The following SLC16A10 variants were observed in gnomAD, a reference collection of about 807,000 sequenced individuals.
The protein encoded by SLC16A10 is monocarboxylate transporter 10.
Under a neutral mutation model 40.0 loss-of-function variants are expected in SLC16A10, and 27 were observed. That is an observed-to-expected ratio of 0.67 (90% CI 0.50 to 0.93). The LOEUF is 0.93. SLC16A10 is among the 40% of genes least tolerant of loss of function. The pLI is 0.00. For missense variants in SLC16A10, 529 were observed against 658.2 expected (o/e 0.80, Z 2.15); for synonymous variants, 213 against 249.8 (o/e 0.85, Z 1.39).
At position 111,126,507 on chromosome 6, in the gene SLC16A10, C is replaced by T. The variant is rs191809047; in HGVS notation, c.343+38412C>T. On this transcript the variant is annotated intron_variant, in intron 1 of 5. Transcript: ENST00000368851. ...GTCATATTCATGCTACTACTGAGCA[C>T]TGTGACCTAGGTGAAGTGTGAGATT... Among the ~76,000 whole-genome samples the T allele has an allele frequency of 2.6e-5, 4 of 152,236 alleles. No homozygotes were observed. In the East Asian group the frequency reaches 7.7e-4, roughly 29 times the overall value.
intron 4 of SLC16A10, among the ~76,000 whole-genome samples, chr6:111,215,708 T>C (rs1339831791): frequency 6.6e-6 from 1 of 152,200 alleles, no homozygotes; most frequent in Non-Finnish European, 1.5e-5. Context: ...ATGTTTCTAT[T>C]GTTAAGAATA....
At chr6:111,202,322 T>A (rs1232001212) in intron 3 of SLC16A10, among the ~76,000 whole-genome samples, 3 of 151,694 alleles carry the variant, frequency 2.0e-5, no homozygotes, top group Non-Finnish European at 4.4e-5. Context: ...CAAAAATGAT[T>A]TAAAAATTAG....
At chr6:111,131,596 T>C (rs1469730507) in intron 1 of SLC16A10, among the ~76,000 whole-genome samples, 1 of 152,172 alleles carries the variant, frequency 6.6e-6, no homozygotes, top group Non-Finnish European at 1.5e-5. Flanking sequence ...TGTCAGCTGG[T>C]TAAAAACAAT....
intron 1 of SLC16A10, among the ~76,000 whole-genome samples, chr6:111,103,852 G>A (rs1392323989): frequency 1.3e-5 from 2 of 152,158 alleles, no homozygotes; most frequent in African/African-American, 4.8e-5. Context: ...TTCTAATACT[G>A]AATGTTCTGA....
At chr6:111,211,613 A>G (rs577081406) in intron 4 of SLC16A10, among the ~76,000 whole-genome samples, 11 of 152,356 alleles carry the variant, frequency 7.2e-5, no homozygotes, top group African/African-American at 2.4e-4. Context: ...AAAGCCCTTC[A>G]GTGTGTCCTG....
chr6:111,214,655 G>A (rs1024944311), intron 4 of SLC16A10, among the ~76,000 whole-genome samples: 1 of 152,104 alleles, frequency 6.6e-6, no homozygotes, highest in African/African-American at 2.4e-5. Context: ...TTTCTGAGAA[G>A]TACTTAAAGA....
intron 1 of SLC16A10, among the ~76,000 whole-genome samples, chr6:111,105,212 T>G (rs1771262300): frequency 6.6e-6 from 1 of 152,168 alleles, no homozygotes; most frequent in Non-Finnish European, 1.5e-5. Context: ...TTATGTATTT[T>G]AAATTTAAAG....
intron 1 of SLC16A10, among the ~76,000 whole-genome samples, chr6:111,092,192 C>A (rs144026859): frequency 8.5e-4 from 130 of 152,190 alleles, no homozygotes; most frequent in African/African-American, 3.0e-3. Flanking sequence ...ATGAAAAATG[C>A]TGACGGCATC....
intron 1 of SLC16A10, among the ~76,000 whole-genome samples, chr6:111,112,224 A>C (rs1027731664): frequency 6.6e-6 from 1 of 151,464 alleles, no homozygotes; most frequent in African/African-American, 2.4e-5. Context: ...TTTTCTAGAG[A>C]TGGGGTCTCT....
intron 1 of SLC16A10, among the ~76,000 whole-genome samples, chr6:111,165,887 C>T (rs1277739361): frequency 6.6e-6 from 1 of 152,216 alleles, no homozygotes; most frequent in Non-Finnish European, 1.5e-5. Context: ...TGGCAGAGAC[C>T]AAAAGAAAGT....
intron 1 of SLC16A10, among the ~76,000 whole-genome samples, chr6:111,128,281 C>T (rs1431225235): frequency 6.6e-6 from 1 of 152,152 alleles, no homozygotes; most frequent in Non-Finnish European, 1.5e-5. Flanking sequence ...TGCTACTTTC[C>T]TTCTCATTTT....
chr6:111,143,866 G>A (rs1772027852), intron 1 of SLC16A10, among the ~76,000 whole-genome samples: 1 of 152,166 alleles, frequency 6.6e-6, no homozygotes, highest in Admixed American at 6.5e-5. Context: ...ACTCATGTCT[G>A]TAATCCCAAC....
intron 1 of SLC16A10, among the ~76,000 whole-genome samples, chr6:111,125,665 G>T (rs1771663191): frequency 6.6e-6 from 1 of 152,020 alleles, no homozygotes; most frequent in Non-Finnish European, 1.5e-5. Flanking sequence ...ATCCATAAGA[G>T]TTTATATTTA....
intron 1 of SLC16A10, among the ~76,000 whole-genome samples, chr6:111,165,003 A>G (rs1772445278): frequency 6.6e-6 from 1 of 152,172 alleles, no homozygotes; most frequent in African/African-American, 2.4e-5. Context: ...AAGCCAATTA[A>G]TTAGAGCTCT....
At chr6:111,112,314 A>C (rs1378768713) in intron 1 of SLC16A10, among the ~76,000 whole-genome samples, 2 of 152,164 alleles carry the variant, frequency 1.3e-5, no homozygotes, top group Non-Finnish European at 2.9e-5. Flanking sequence ...GGATTATAGG[A>C]ATGAGCCACC....
chr6:111,210,348 T>C (rs957912950), intron 4 of SLC16A10, among the ~76,000 whole-genome samples: 9 of 151,968 alleles, frequency 5.9e-5, no homozygotes, highest in Non-Finnish European at 1.3e-4. Flanking sequence ...GTGAAGAGAG[T>C]TGGTAATGTG....
intron 3 of SLC16A10, among the ~76,000 whole-genome samples, chr6:111,204,733 T>C (rs1406101408): frequency 1.3e-5 from 2 of 152,180 alleles, no homozygotes; most frequent in Non-Finnish European, 2.9e-5. Flanking sequence ...GTCCTAAATT[T>C]AAATTAGGTG....
At chr6:111,156,942 G>T (rs537010896) in intron 1 of SLC16A10, among the ~76,000 whole-genome samples, 18 of 152,188 alleles carry the variant, frequency 1.2e-4, no homozygotes, top group South Asian at 1.0e-3. Context: ...ATTTTGAGAC[G>T]GAGTCTTGTT....
rs1317468189 is a variant in SLC16A10, at chr6:111,087,813, G to A, written c.61G>A (p.Gly21Ser). The change falls in exon 1 of 6, where the codon GGC becomes AGC. Residue 21 changes from glycine (G) to serine (S), a missense_variant. Gly to Ser is a moderately conservative substitution (Grantham distance 56). Coordinates refer to ENST00000368851, the MANE Select transcript of SLC16A10 (RefSeq NM_018593.5). Reference sequence around the variant, plus strand: ...GGGCACGAGCGAGGCGCAGCCGCTCGGCCCCGCGCCCACGGGGGCCGCTCC... The same window carrying A: ...GGGCACGAGCGAGGCGCAGCCGCTCAGCCCCGCGCCCACGGGGGCCGCTCC... ...ARGTSEAQPL[G>S]PAPTGAAPPP... 7.7e-7 allele frequency: 1 copy of A among 1,295,710 alleles called. No homozygotes were observed. The highest frequency in any genetic ancestry group is 9.7e-7 in the Non-Finnish European group (1 of 1,028,150). The allele number at this position is 1,295,710 out of a possible 1,614,324, so 80.3% of individuals were successfully genotyped here. A position where few individuals can be genotyped will look rare whatever the true frequency, so the allele number is the denominator to read the frequency against.
Sources: allele counts gnomAD v4.1 joint callset (sites outside exome capture counted in the v4.1 genomes callset), GRCh38; gene constraint gnomAD v4.1.1; transcripts MANE v1.5; gene names NCBI Gene and HGNC (gene_info 2026-07-23, HGNC 2026-07-21).